Variants in DOP1B observed in about 807,000 individuals in gnomAD.
DOP1B encodes the protein protein DOP1B.
In DOP1B, 174 loss-of-function variants were observed where a neutral mutation model predicts 233.5. The observed-to-expected ratio is 0.75, with a 90% CI of 0.66 to 0.85. DOP1B has a LOEUF of 0.85. DOP1B is among the 40% of genes least tolerant of loss of function. DOP1B has a pLI of 0.00. For missense variants in DOP1B, 2,652 were observed against 2,846.6 expected, an observed-to-expected ratio of 0.93 and a Z score of 1.56; for synonymous variants, 1,190 against 1,185.6, an observed-to-expected ratio of 1.00 and a Z score of -0.08.
intron 11 of DOP1B, among the ~76,000 whole-genome samples, chr21:36,225,195 A>G (rs2066668089): frequency 1.3e-5 from 2 of 152,180 alleles, no homozygotes; most frequent in Admixed American, 1.3e-4. Flanking sequence ...TGGAAATTGT[A>G]AGAAATGCTT....
chr21:36,255,217 C>T (rs2067080036), intron 23 of DOP1B, among the ~76,000 whole-genome samples: 1 of 151,978 alleles, frequency 6.6e-6, no homozygotes, highest in Admixed American at 6.6e-5. Flanking sequence ...ACTGCAACCC[C>T]GCCCCTGGGG....
chr21:36,205,381 TTTTG>T (rs1351442851), intron 4 of DOP1B, among the ~76,000 whole-genome samples: 2 of 151,792 alleles, frequency 1.3e-5, no homozygotes, highest in Non-Finnish European at 2.9e-5. Context: ...TTTGTTGGTT[TTTTG>T]TTTGTTTTTG....
chr21:36,220,507 G>T (rs535963729), intron 10 of DOP1B, among the ~76,000 whole-genome samples: 1 of 151,938 alleles, frequency 6.6e-6, no homozygotes, highest in African/African-American at 2.4e-5. Context: ...TTGTTTTCTT[G>T]TTGGTTTGTT....
At chr21:36,174,722 A>C (rs2066005357) in intron 2 of DOP1B, among the ~76,000 whole-genome samples, 1 of 152,210 alleles carries the variant, frequency 6.6e-6, no homozygotes, top group Non-Finnish European at 1.5e-5. Context: ...TATGTTGCCC[A>C]GGCAGGTCTC....
chr21:36,228,018 A>C, intron 13 of DOP1B, 141 bp downstream of exon 13: 1 of 893,014 alleles, frequency 1.1e-6, no homozygotes, highest in African/African-American at 1.7e-5. Flanking sequence ...ATGCTTGTAA[A>C]ACCCTCACTT....
chr21:36,211,687 G>C (rs1458686757), intron 6 of DOP1B, 36 bp downstream of exon 6: 1 of 1,595,498 alleles, frequency 6.3e-7, no homozygotes, highest in Non-Finnish European at 8.6e-7. Context: ...AGTCACTGGT[G>C]TTTCCCAAGG....
intron 2 of DOP1B, among the ~76,000 whole-genome samples, chr21:36,172,182 T>A (rs1160241460): frequency 1.3e-5 from 2 of 151,962 alleles, no homozygotes; most frequent in Non-Finnish European, 2.9e-5. Flanking sequence ...CTGATAGGAT[T>A]TTGCTCTGGC....
intron 22 of DOP1B, among the ~76,000 whole-genome samples, chr21:36,253,285 T>C (rs1020405180): frequency 5.3e-5 from 8 of 152,380 alleles, no homozygotes; most frequent in Middle Eastern, 3.4e-3. Context: ...TCTAAAATGC[T>C]TTCTACTAAA....
At chr21:36,225,510 T>A in intron 11 of DOP1B, 55 bp from the exon 12 acceptor site, 3 of 1,594,152 alleles carry the variant, frequency 1.9e-6, no homozygotes, top group Non-Finnish European at 2.6e-6. Context: ...AGATTATAGG[T>A]GTGAGCCTCC....
At chr21:36,222,770 C>G (rs951493577) in intron 10 of DOP1B, among the ~76,000 whole-genome samples, 3 of 151,922 alleles carry the variant, frequency 2.0e-5, no homozygotes, top group Non-Finnish European at 2.9e-5. Flanking sequence ...GAGTCTCACT[C>G]TGTCATCCAG....
intron 4 of DOP1B, among the ~76,000 whole-genome samples, chr21:36,203,650 G>C (rs55766026): frequency 6.6e-6 from 1 of 152,110 alleles, no homozygotes; most frequent in South Asian, 2.1e-4. Context: ...GCAGTGGGGG[G>C]GGTCATGATG....
At chr21:36,263,485 T>C in intron 24 of DOP1B, 61 bp from the exon 25 acceptor site, 2 of 1,432,092 alleles carry the variant, frequency 1.4e-6, no homozygotes, top group Non-Finnish European at 2.0e-6. Context: ...AATATGCTTA[T>C]AAATAAATGT....
At position 36,212,165 on chromosome 21, in the gene DOP1B, A is replaced by G. The variant is rs1459151616; in HGVS notation, c.904+68A>G. 2.7e-6 allele frequency: 4 copies of G among 1,476,228 alleles called. No individual in the cohort carries two copies. The African/African-American group carries it at 5.7e-5, about 21-fold the overall frequency. 91.4% of individuals were successfully genotyped at this position (1,476,228 alleles called of 1,614,324 possible). A position where few individuals can be genotyped will look rare whatever the true frequency, so the allele number is the denominator to read the frequency against. ...AAACCTTTTAGTGCTGACTTCTGGA[A>G]TAAGATTTGGTCTTGGTGATGTATC... On this transcript the variant is annotated intron_variant, in intron 7 of 36. Transcript: ENST00000691173.
rs370428535 is a variant in DOP1B, at chr21:36,246,520, G to A, written c.4540G>A (p.Gly1514Ser). Residue 1514 changes from glycine to serine, a missense_variant, in exon 19 of 37, where the codon GGC becomes AGC. Gly to Ser is a moderately conservative substitution (Grantham distance 56). Coordinates refer to ENST00000691173, the MANE Select transcript of DOP1B (RefSeq NM_001320714.2). The surrounding 1 kb of genome is among the most constrained non-coding windows in gnomAD (Gnocchi z 5.1). The part of the protein sequence containing the change: ...VRGLQPAYGY[G>S]MHPAWVSLVT... ...GGGTCTGCAGCCCGCCTACGGTTAC[G>A]GCATGCATCCGGCCTGGGTGAGCTT... The A allele has an allele frequency of 5.6e-6, 9 of 1,614,116 alleles. No homozygotes were observed. Among genetic ancestry groups the A allele is most frequent in the Middle Eastern group, 1.6e-4 (1 of 6,062 alleles).
intron 1 of DOP1B, among the ~76,000 whole-genome samples, chr21:36,160,456 T>C (rs2065858879): frequency 6.7e-6 from 1 of 149,732 alleles, no homozygotes; most frequent in African/African-American, 2.5e-5. Context: ...AAAGGGGTTG[T>C]TTGGTTCTAT....
chr21:36,194,487 C>CTT (rs369495001), intron 2 of DOP1B, among the ~76,000 whole-genome samples: 11 of 81,310 alleles, frequency 1.4e-4, no homozygotes, highest in African/African-American at 3.5e-4. Flanking sequence ...CTCTCTCTCT[C>CTT]TTTTTTTTTT....
chr21:36,174,900 G>T (rs1284714309), intron 2 of DOP1B, among the ~76,000 whole-genome samples: 2 of 152,192 alleles, frequency 1.3e-5, no homozygotes, highest in Non-Finnish European at 1.5e-5. Context: ...GTGTTAGTCT[G>T]CTAGGGCTGC....
At chr21:36,241,202 G>A (rs1361930889) in intron 18 of DOP1B, among the ~76,000 whole-genome samples, 7 of 151,928 alleles carry the variant, frequency 4.6e-5, no homozygotes, top group Admixed American at 3.9e-4. Context: ...GCTGAGGCAG[G>A]AGAATGGCAT....
intron 2 of DOP1B, chr21:36,169,700 C>T (rs7281243): frequency 0.44 from 396,322 of 903,520 alleles, 88,616 homozygotes; most frequent in Non-Finnish European, 0.47. Context: ...GGCAGCGAGG[C>T]GGGTGACTTG....
Sources: allele counts gnomAD v4.1 joint callset (sites outside exome capture counted in the v4.1 genomes callset), GRCh38; gene constraint gnomAD v4.1.1; non-coding constraint Gnocchi (gnomAD v3.1); transcripts MANE v1.5; gene names NCBI Gene and HGNC (gene_info 2026-07-23, HGNC 2026-07-21).